The following NECTIN4 variants were observed in gnomAD, a reference collection of about 807,000 sequenced individuals.
The protein encoded by NECTIN4 is nectin-4.
NECTIN4 carries 19 observed loss-of-function variants against 51.7 expected under a neutral mutation model. That is an observed-to-expected ratio of 0.37 (90% CI 0.26 to 0.54). The LOEUF (loss-of-function observed/expected upper bound fraction) is 0.54. Among genes scored for constraint, NECTIN4 ranks in the 20% least tolerant of loss-of-function variants. The pLI is 0.86. For synonymous variants in NECTIN4, 283 were observed against 286.9 expected, an observed-to-expected ratio of 0.99 and a Z score of 0.14; for missense variants, 619 against 662.4, an observed-to-expected ratio of 0.93 and a Z score of 0.72.
At chr1:161,077,894 A>C in intron 2 of NECTIN4, 151 bp from the exon 3 acceptor site, 1 of 738,900 alleles carries the variant, frequency 1.4e-6, no homozygotes, top group Non-Finnish European at 2.1e-6. Flanking sequence ...GTAGAAATTC[A>C]GGTGACTTTG....
At chr1:161,088,535 C>T (rs896888980) in intron 1 of NECTIN4, among the ~76,000 whole-genome samples, 2 of 152,104 alleles carry the variant, frequency 1.3e-5, no homozygotes, top group African/African-American at 4.8e-5. Flanking sequence ...ATGGGGACCA[C>T]ACCCTATCTA....
At chr1:161,087,216 A>G (rs1653988296) in intron 1 of NECTIN4, 1 of 152,050 alleles carries the variant, frequency 6.6e-6, no homozygotes, top group African/African-American at 2.4e-5. Context: ...TGGAGGTAGG[A>G]CCATCTGATC....
intron 6 of NECTIN4, 131 bp from the exon 7 acceptor site, chr1:161,073,926 G>A (rs1653299061): frequency 8.4e-6 from 7 of 833,456 alleles, no homozygotes; most frequent in Admixed American, 2.0e-5. Flanking sequence ...GTGTGAGTGT[G>A]TGGCTGCAGG....
intron 1 of NECTIN4, among the ~76,000 whole-genome samples, chr1:161,082,849 C>T (rs1056843430): frequency 2.0e-5 from 3 of 152,144 alleles, no homozygotes; most frequent in African/African-American, 7.2e-5. Context: ...CTGCTTCAAA[C>T]GCTGGTGTCT....
Position 161,080,882 on chromosome 1 carries a change from A to G in NECTIN4, c.80-933T>C, listed in dbSNP as rs557510628. Among the ~76,000 whole-genome samples the G allele has an allele frequency of 6.6e-5, 10 of 152,338 alleles. 1 individual carries two copies. In the South Asian group the frequency reaches 2.1e-3, roughly 32 times the overall value. On this transcript the variant is annotated intron_variant, in intron 1 of 8. Transcript: ENST00000368012. ...AGTTCTGCTCAGGAGCAAGAGATAC[A>G]TATGGAGACACATATGGAAACATGT...
At chr1:161,084,730 C>G (rs1312356253) in intron 1 of NECTIN4, 2 of 152,324 alleles carry the variant, frequency 1.3e-5, no homozygotes, top group Non-Finnish European at 2.9e-5. Context: ...CTCTGGCCCC[C>G]CAAGGAGGCC....
intron 1 of NECTIN4, among the ~76,000 whole-genome samples, chr1:161,086,244 C>T (rs1050696339): frequency 1.2e-4 from 19 of 152,316 alleles, no homozygotes; most frequent in South Asian, 6.2e-4. Context: ...TGAACTCTAA[C>T]CTCCTCATCT....
chr1:161,089,003 C>G lies in NECTIN4; in HGVS notation c.79+215G>C, dbSNP rs1268478996. Among the ~76,000 whole-genome samples, 1 of 151,852 alleles carries G rather than the reference C, an allele frequency of 6.6e-6. No homozygotes were observed. Among genetic ancestry groups the G allele is most frequent in the Non-Finnish European group, 1.5e-5 (1 of 67,958 alleles). On this transcript the variant is annotated intron_variant, in intron 1 of 8. Coordinates refer to ENST00000368012, the MANE Select transcript of NECTIN4 (RefSeq NM_030916.3). The surrounding 1 kb of genome is among the most constrained non-coding windows in gnomAD (Gnocchi z 4.1). Reference sequence around the variant, plus strand: ...GGGATCCCAGACATAGTGACCTGGCCTGGGGGCTGGGAGGAAACAAGAAGG... The same window carrying G: ...GGGATCCCAGACATAGTGACCTGGCGTGGGGGCTGGGAGGAAACAAGAAGG...
At chr1:161,086,427 G>A (rs2101680161) in intron 1 of NECTIN4, among the ~76,000 whole-genome samples, 1 of 152,336 alleles carries the variant, frequency 6.6e-6, no homozygotes, top group African/African-American at 2.4e-5. Flanking sequence ...GTAAACAGGA[G>A]TAGAAAAGTA....
rs1289375745 is a variant in NECTIN4 at position 161,089,378 on chromosome 1, T to C, written c.-82A>G. ...CCGGCTGCAGACTTGAATAAGGAAC[T>C]GACCCAGAAGGCAGGAAGCTGCAGA... is the stretch of plus-strand genomic sequence containing the variant. On this transcript the variant is annotated 5_prime_UTR_variant, in exon 1 of 9. Coordinates refer to ENST00000368012, the MANE Select transcript of NECTIN4 (RefSeq NM_030916.3). This position sits in a 1 kb window ranked among gnomAD's most constrained non-coding sequence, Gnocchi z 4.1. 15 of 1,329,604 alleles carry C rather than the reference T, an allele frequency of 1.1e-5. No individual in the cohort carries two copies. The highest frequency in any genetic ancestry group is 1.5e-5 in the Non-Finnish European group (14 of 938,702). 82.4% of individuals were successfully genotyped at this position (1,329,604 alleles called of 1,614,324 possible).
At chr1:161,074,806 C>A (rs894251888) in intron 4 of NECTIN4, 47 bp from the exon 5 acceptor site, 2 of 1,591,232 alleles carry the variant, frequency 1.3e-6, no homozygotes, top group Non-Finnish European at 8.6e-7. Flanking sequence ...AGGGCTGAAG[C>A]CACCACCACC....
intron 1 of NECTIN4, among the ~76,000 whole-genome samples, chr1:161,087,818 C>T (rs1002739511): frequency 2.6e-5 from 4 of 152,100 alleles, no homozygotes; most frequent in African/African-American, 9.7e-5. Context: ...GCAGATCTCA[C>T]TTGCCTATCT....
At chr1:161,088,557 T>C (rs1654049378) in intron 1 of NECTIN4, among the ~76,000 whole-genome samples, 1 of 152,044 alleles carries the variant, frequency 6.6e-6, no homozygotes, top group South Asian at 2.1e-4. Flanking sequence ...AAGGTTCCCT[T>C]CCTTAGACCC....
At chr1:161,075,167 C>T (rs1653361348) in intron 4 of NECTIN4, among the ~76,000 whole-genome samples, 1 of 152,214 alleles carries the variant, frequency 6.6e-6, no homozygotes, top group South Asian at 2.1e-4. Context: ...CAAACATAGC[C>T]CCAGGCACAA....
At chr1:161,075,063 C>T (rs1464393592) in intron 4 of NECTIN4, among the ~76,000 whole-genome samples, 1 of 152,246 alleles carries the variant, frequency 6.6e-6, no homozygotes, top group Non-Finnish European at 1.5e-5. Flanking sequence ...ATAAAGTCCA[C>T]ACAACAGGAC....
At chr1:161,076,269 T>C in intron 4 of NECTIN4, 86 bp downstream of exon 4, 1 of 1,482,676 alleles carries the variant, frequency 6.7e-7, no homozygotes. Context: ...CAGAATATGT[T>C]GTCCCATTCC....
rs541142857 is a variant in NECTIN4 at position 161,086,298 on chromosome 1, G to A, written c.79+2920C>T. On this transcript the variant is annotated intron_variant, in intron 1 of 8. Coordinates refer to ENST00000368012, the MANE Select transcript of NECTIN4 (RefSeq NM_030916.3). ...TGGCCCGGCCTCCTTAAACACTAGG[G>A]TGGGAACAAGGTCACTGGGGTCACA... Among the ~76,000 whole-genome samples the A allele has an allele frequency of 6.9e-4, 105 of 152,262 alleles. 1 individual carries two copies. Among genetic ancestry groups the A allele is most frequent in the Middle Eastern group, 3.4e-3 (1 of 294 alleles).
chr1:161,073,178 G>A (rs1259163814), intron 8 of NECTIN4, 47 bp downstream of exon 8: 7 of 1,541,694 alleles, frequency 4.5e-6, no homozygotes, highest in African/African-American at 1.4e-5. Flanking sequence ...ACCAGGACAG[G>A]GGCCCGAGGA....
chr1:161,081,893 T>C (rs776577875), intron 1 of NECTIN4, among the ~76,000 whole-genome samples: 10 of 145,768 alleles, frequency 6.9e-5, no homozygotes, highest in Non-Finnish European at 4.5e-5. Flanking sequence ...TTTATCCCTA[T>C]TTTCTGGGCC....
Sources: allele counts gnomAD v4.1 joint callset (sites outside exome capture counted in the v4.1 genomes callset), GRCh38; gene constraint gnomAD v4.1.1; non-coding constraint Gnocchi (gnomAD v3.1); transcripts MANE v1.5; gene names NCBI Gene and HGNC (gene_info 2026-07-23, HGNC 2026-07-21).